Variants in CCSER1 observed in about 807,000 individuals in gnomAD.
CCSER1 encodes coiled-coil serine rich protein 1, also known as serine-rich coiled-coil domain-containing protein 1.
A neutral mutation model predicts 82.0 loss-of-function variants in CCSER1; 41 were observed. The observed-to-expected ratio is 0.50, with a 90% CI of 0.39 to 0.65. The LOEUF is 0.65. Ranked by LOEUF, CCSER1 falls within the 30% of genes least tolerant of loss-of-function variation. CCSER1 has a pLI of 0.00. For synonymous variants in CCSER1, 414 were observed against 383.9 expected, an observed-to-expected ratio of 1.08 and a Z score of -0.92; for missense variants, 1,119 against 1,064.2, an observed-to-expected ratio of 1.05 and a Z score of -0.72.
chr4:91,431,145 A>G (rs2149393371), intron 10 of CCSER1, among the ~76,000 whole-genome samples: 1 of 152,246 alleles, frequency 6.6e-6, no homozygotes, highest in African/African-American at 2.4e-5. Flanking sequence ...CTGAGGCAGG[A>G]GAATGGCGTG....
intron 5 of CCSER1, among the ~76,000 whole-genome samples, chr4:90,620,440 A>C (rs2148873848): frequency 6.6e-6 from 1 of 152,302 alleles, no homozygotes; most frequent in African/African-American, 2.4e-5. Flanking sequence ...AAATTTGATT[A>C]GTCTATTTAT....
At chr4:91,209,695 A>G (rs907779613) in intron 10 of CCSER1, among the ~76,000 whole-genome samples, 2 of 151,770 alleles carry the variant, frequency 1.3e-5, no homozygotes, top group African/African-American at 2.4e-5. Flanking sequence ...TGTCTCTCCC[A>G]TAACTTCGTA....
At chr4:91,171,984 A>T (rs978721421) in intron 10 of CCSER1, among the ~76,000 whole-genome samples, 1 of 152,068 alleles carries the variant, frequency 6.6e-6, no homozygotes, top group Non-Finnish European at 1.5e-5. Flanking sequence ...AGATATTCTG[A>T]TCTTCTTTAT....
At chr4:91,479,747 AT>A (rs1000637764) in intron 10 of CCSER1, among the ~76,000 whole-genome samples, 14 of 136,472 alleles carry the variant, frequency 1.0e-4, no homozygotes, top group African/African-American at 2.4e-4. Context: ...ATTATTATTA[AT>A]TTTTTTATTA....
intron 5 of CCSER1, among the ~76,000 whole-genome samples, chr4:90,532,743 G>A (rs974738368): frequency 6.6e-5 from 10 of 152,070 alleles, no homozygotes; most frequent in East Asian, 1.9e-4. Context: ...ACATTTAAAG[G>A]AAATTAGTTT....
intron 9 of CCSER1, among the ~76,000 whole-genome samples, chr4:90,935,063 A>G (rs1351071517): frequency 2.4e-4 from 36 of 152,046 alleles, no homozygotes; most frequent in Non-Finnish European, 1.5e-5. Context: ...TATTATATAT[A>G]TATGATGAAT....
At chr4:91,435,276 C>CA (rs1413034365) in intron 10 of CCSER1, among the ~76,000 whole-genome samples, 1 of 151,886 alleles carries the variant, frequency 6.6e-6, no homozygotes, top group Non-Finnish European at 1.5e-5. Flanking sequence ...TCTGTCTCTA[C>CA]AAAAAATATT....
intron 10 of CCSER1, among the ~76,000 whole-genome samples, chr4:91,504,852 A>G (rs1010714881): frequency 6.6e-5 from 10 of 152,216 alleles, no homozygotes; most frequent in African/African-American, 2.4e-4. Flanking sequence ...AACCAAGTGA[A>G]TAAATTACTA....
chr4:90,907,941 T>C (rs936382678), intron 8 of CCSER1, among the ~76,000 whole-genome samples: 2 of 152,150 alleles, frequency 1.3e-5, no homozygotes, highest in African/African-American at 4.8e-5. Context: ...GTTCAAAAGC[T>C]GATCTCTGAT....
intron 10 of CCSER1, among the ~76,000 whole-genome samples, chr4:91,375,110 T>C (rs80114432): frequency 0.02 from 2,988 of 152,294 alleles, 77 homozygotes; most frequent in African/African-American, 0.067. Flanking sequence ...ATTCTAGATG[T>C]CACTAAGAAC....
intron 5 of CCSER1, among the ~76,000 whole-genome samples, chr4:90,484,047 T>A (rs894045667): frequency 6.6e-5 from 10 of 152,188 alleles, no homozygotes; most frequent in Non-Finnish European, 1.2e-4. Context: ...CATAGTCACA[T>A]ATTTCTTGGA....
chr4:91,135,251 G>A (rs528074492), intron 10 of CCSER1, among the ~76,000 whole-genome samples: 1 of 152,018 alleles, frequency 6.6e-6, no homozygotes, highest in African/African-American at 2.4e-5. Flanking sequence ...AGAAATATTA[G>A]ATAAATCTAA....
intron 10 of CCSER1, among the ~76,000 whole-genome samples, chr4:91,528,004 T>C (rs1282560240): frequency 2.6e-5 from 4 of 152,102 alleles, no homozygotes; most frequent in African/African-American, 9.7e-5. Context: ...AACCTCCACT[T>C]CCCAGGATCG....
chr4:90,660,129 T>A (rs143102580), intron 6 of CCSER1, among the ~76,000 whole-genome samples: 16 of 152,156 alleles, frequency 1.1e-4, no homozygotes, highest in African/African-American at 3.9e-4. Context: ...TGGCAATTTC[T>A]CAAAGAAATA....
chr4:91,450,363 A>G (rs974598345), intron 10 of CCSER1, among the ~76,000 whole-genome samples: 2 of 152,102 alleles, frequency 1.3e-5, no homozygotes, highest in African/African-American at 4.8e-5. Context: ...GGAAGTACTT[A>G]CCTTTATCAA....
At chr4:91,029,535 A>C (rs1167561212) in intron 9 of CCSER1, among the ~76,000 whole-genome samples, 1 of 151,996 alleles carries the variant, frequency 6.6e-6, no homozygotes, top group Non-Finnish European at 1.5e-5. Flanking sequence ...AGTTATCCTC[A>C]TTTTAAAAAC....
intron 10 of CCSER1, among the ~76,000 whole-genome samples, chr4:91,470,020 A>G (rs1451875390): frequency 6.6e-6 from 1 of 152,214 alleles, no homozygotes; most frequent in Non-Finnish European, 1.5e-5. Flanking sequence ...GAAAATTTCA[A>G]ATTACCTTCA....
chr4:90,555,099 T>A (rs775139877), intron 5 of CCSER1, among the ~76,000 whole-genome samples: 28 of 152,264 alleles, frequency 1.8e-4, no homozygotes, highest in Non-Finnish European at 3.7e-4. Flanking sequence ...CAAAAATATG[T>A]TAAACATAAA....
intron 10 of CCSER1, among the ~76,000 whole-genome samples, chr4:91,358,350 A>G (rs1748999365): frequency 7.2e-6 from 1 of 139,216 alleles, no homozygotes; most frequent in Non-Finnish European, 1.5e-5. Context: ...TTTTTTTAAC[A>G]TAGTTCCCAG....
Sources: allele counts gnomAD v4.1 joint callset (sites outside exome capture counted in the v4.1 genomes callset), GRCh38; gene constraint gnomAD v4.1.1; transcripts MANE v1.5; gene names NCBI Gene and HGNC (gene_info 2026-07-23, HGNC 2026-07-21).